ZZEF1: variants seen among roughly 807,000 people sequenced by gnomAD.
ZZEF1 encodes zinc finger ZZ-type and EF-hand domain-containing protein 1.
A neutral mutation model predicts 342.8 loss-of-function variants in ZZEF1; 157 were observed. The ratio of observed to expected loss-of-function variants is 0.46; its 90% confidence interval spans 0.40 to 0.52. The LOEUF (loss-of-function observed/expected upper bound fraction) is 0.52. Ranked by LOEUF, ZZEF1 falls within the 20% of genes least tolerant of loss-of-function variation. The pLI, the probability that ZZEF1 is intolerant of heterozygous loss-of-function variation, is 0.00. For synonymous variants in ZZEF1, 1,505 were observed against 1,429.1 expected, an observed-to-expected ratio of 1.05 and a Z score of -1.20; for missense variants, 3,480 against 3,725.6, an observed-to-expected ratio of 0.93 and a Z score of 1.72.
At chr17:4,048,622 C>T (rs1285706075) in intron 37 of ZZEF1, among the ~76,000 whole-genome samples, 1 of 152,162 alleles carries the variant, frequency 6.6e-6, no homozygotes, top group Admixed American at 6.5e-5. Context: ...TGCGTCTACC[C>T]GGTAAACAGT....
intron 1 of ZZEF1, among the ~76,000 whole-genome samples, chr17:4,139,389 G>C (rs2058806030): frequency 6.6e-6 from 1 of 152,218 alleles, no homozygotes; most frequent in Non-Finnish European, 1.5e-5. Context: ...GTGGCTATCT[G>C]TTTTACCATG....
At position 4,142,912 on chromosome 17, in the gene ZZEF1, G is replaced by A; in HGVS notation, c.-17C>T. 2.3e-6 allele frequency: 3 copies of A among 1,314,074 alleles called. No individual in the cohort carries two copies. The highest frequency in any genetic ancestry group is 4.2e-5 in the Admixed American group (1 of 24,024). 81.4% of individuals were successfully genotyped at this position (1,314,074 alleles called of 1,614,324 possible). On this transcript the variant is annotated 5_prime_UTR_variant, in exon 1 of 55. Transcript: ENST00000381638. ...GTTCCCCATGGGGTCTCCGTCTTGG[G>A]CGCCTGGCTCTGCAGCCGCCGCCGC...
Position 4,008,339 on chromosome 17 carries a change from C to A in ZZEF1, c.8805+544G>T, listed in dbSNP as rs2055857685. The A allele has an allele frequency of 7.2e-5, 11 of 153,660 alleles. No homozygotes were observed. The highest frequency in any genetic ancestry group is 1.5e-4 in the Non-Finnish European group (11 of 72,288). 9.5% of individuals were successfully genotyped at this position (153,660 alleles called of 1,614,324 possible). ...GTCGTTTTTCACAAGACGTGTTATTCATGTTAACATGAAATGGGTTCACTA... is the reference window on the plus strand; with the variant it reads ...GTCGTTTTTCACAAGACGTGTTATTAATGTTAACATGAAATGGGTTCACTA... On this transcript the variant is annotated intron_variant, in intron 54 of 54. Coordinates refer to ENST00000381638, the MANE Select transcript of ZZEF1 (RefSeq NM_015113.4). The surrounding 1 kb of genome is among the most constrained non-coding windows in gnomAD (Gnocchi z 4.2).
Position 4,105,791 on chromosome 17 carries a change from C to A in ZZEF1, c.1296G>T (p.Met432Ile), listed in dbSNP as rs1356543795. ...ATCCTGGTGAGAGAGAGAGTGGAGG[C>A]ATGTGCCGCAGCGCCTTCCTAGAAG... Reference protein sequence around the residue: ...LHNTQKALRHMPPLSLSPGST... With the variant: ...LHNTQKALRHIPPLSLSPGST... Residue 432 changes from methionine to isoleucine, a missense_variant, in exon 7 of 55, where the codon ATG (methionine) becomes ATT (isoleucine). Met to Ile is a conservative substitution (Grantham distance 10, BLOSUM62 1). Coordinates refer to ENST00000381638, the MANE Select transcript of ZZEF1 (RefSeq NM_015113.4). The A allele has an allele frequency of 6.2e-7, 1 of 1,611,048 alleles. No homozygotes were observed.
intron 18 of ZZEF1, 36 bp downstream of exon 18, chr17:4,081,340 T>G: frequency 1.1e-4 from 177 of 1,571,354 alleles, no homozygotes; most frequent in Non-Finnish European, 1.4e-4. Context: ...CCCACAAGCA[T>G]GAGACAAAGA....
chr17:4,137,981 T>C (rs2058780389), intron 1 of ZZEF1, among the ~76,000 whole-genome samples: 1 of 145,322 alleles, frequency 6.9e-6, no homozygotes, highest in South Asian at 2.2e-4. Flanking sequence ...AGCACAGGGC[T>C]CATGCGGGGG....
At chr17:4,066,310 A>G (rs2057393379) in intron 28 of ZZEF1, 137 bp downstream of exon 28, 4 of 731,804 alleles carry the variant, frequency 5.5e-6, no homozygotes, top group South Asian at 5.2e-5. Flanking sequence ...CTTGGATACT[A>G]TATTTAGCAT....
At chr17:4,067,362 T>C (rs889086290) in intron 26 of ZZEF1, 120 bp from the exon 27 acceptor site, 8 of 668,204 alleles carry the variant, frequency 1.2e-5, no homozygotes, top group Admixed American at 9.8e-5. Context: ...CAATCACACA[T>C]TGAGGATGGT....
At chr17:4,018,872 C>G (rs947585465) in intron 46 of ZZEF1, among the ~76,000 whole-genome samples, 2 of 151,782 alleles carry the variant, frequency 1.3e-5, no homozygotes, top group South Asian at 4.1e-4. Context: ...GGGCTAGAAC[C>G]GAGAGGTGGG....
In ZZEF1 at chr17:4,088,700, A is replaced by G; in HGVS notation, c.2219T>C (p.Ile740Thr). Residue 740 changes from isoleucine (I) to threonine (T), a missense_variant, in exon 13 of 55, where the codon ATC becomes ACC. Physicochemically the swap from Ile to Thr is moderately conservative, Grantham distance 89. Around this residue, in one of 5 missense-constraint regions of ZZEF1, gnomAD observed 1,528 missense variants for 1,624.1 expected, o/e 0.94. Coordinates refer to ENST00000381638, the MANE Select transcript of ZZEF1 (RefSeq NM_015113.4). ...TACCAGGTCATGGGCGAGCTGCTGG[A>G]TAAACTGAAGGGTCCTGAGGAGCAA... ...ATLLLRTLQFIQQLAHDLVQQ... is the reference protein window; with the variant it reads ...ATLLLRTLQFTQQLAHDLVQQ... 1 of 1,614,034 alleles carries G rather than the reference A, an allele frequency of 6.2e-7. No homozygotes were observed. Among genetic ancestry groups the G allele is most frequent in the Non-Finnish European group, 8.5e-7 (1 of 1,180,034 alleles).
chr17:4,084,065 C>T (rs958270819), intron 16 of ZZEF1, among the ~76,000 whole-genome samples: 2 of 152,268 alleles, frequency 1.3e-5, no homozygotes, highest in South Asian at 2.1e-4. Context: ...GCTAGGCCCT[C>T]CAATGCAACA....
At chr17:4,083,916 T>G (rs540207636) in intron 16 of ZZEF1, among the ~76,000 whole-genome samples, 1 of 152,234 alleles carries the variant, frequency 6.6e-6, no homozygotes, top group East Asian at 1.9e-4. Flanking sequence ...TAGTTTCCTT[T>G]GTCAAATTCT....
At chr17:4,131,462 C>A (rs2058660878) in intron 1 of ZZEF1, among the ~76,000 whole-genome samples, 1 of 139,020 alleles carries the variant, frequency 7.2e-6, no homozygotes, top group African/African-American at 2.6e-5. Flanking sequence ...ATTGTTAACT[C>A]CAAAGAAAAT....
At chr17:4,030,176 G>C (rs1031484462) in intron 42 of ZZEF1, among the ~76,000 whole-genome samples, 10 of 152,106 alleles carry the variant, frequency 6.6e-5, no homozygotes, top group Non-Finnish European at 1.2e-4. Flanking sequence ...ACCAAAGTTG[G>C]TCCTTTGAAA....
chr17:4,117,019 G>A lies in ZZEF1; in HGVS notation c.647C>T (p.Ser216Phe). 6.2e-7 allele frequency: 1 copy of A among 1,613,614 alleles called. No homozygotes were observed. The highest frequency in any genetic ancestry group is 1.1e-5 in the South Asian group (1 of 90,996). The change falls in exon 3 of 55, where the codon TCT (serine) becomes TTT (phenylalanine). Residue 216 changes from serine (S) to phenylalanine (F), a missense_variant. Physicochemically the swap from Ser to Phe is radical, Grantham distance 155 (BLOSUM62 -2). Coordinates refer to ENST00000381638, the MANE Select transcript of ZZEF1 (RefSeq NM_015113.4). Reference protein sequence around the residue: ...EHCNNMCTMRSSVLKESLDQL... With the variant: ...EHCNNMCTMRFSVLKESLDQL... ...ATCCAGAGACTCCTTCAGGACGGAA[G>A]ACCGCATGGTGCACATGTTATTGCA... is the stretch of plus-strand genomic sequence containing the variant.
intron 37 of ZZEF1, among the ~76,000 whole-genome samples, chr17:4,047,640 C>A (rs1002219516): frequency 6.8e-6 from 1 of 147,264 alleles, no homozygotes; most frequent in Admixed American, 6.8e-5. Flanking sequence ...GAGACCCTGT[C>A]TCAAAAAAAA....
chr17:4,016,246 A>T lies in ZZEF1; in HGVS notation c.8145+77T>A. 1 of 1,513,846 alleles carries T rather than the reference A, an allele frequency of 6.6e-7. No individual in the cohort carries two copies. Among genetic ancestry groups the T allele is most frequent in the East Asian group, 2.3e-5 (1 of 44,370 alleles). 93.8% of individuals were successfully genotyped at this position (1,513,846 alleles called of 1,614,324 possible). A position where few individuals can be genotyped will look rare whatever the true frequency, so the allele number is the denominator to read the frequency against. ...AGAGCCACAGAGGGGCTGAGCATGG[A>T]GGGGCTGAGCACGGAGGGGCTGACG... On this transcript the variant is annotated intron_variant, in intron 49 of 54. Transcript: ENST00000381638. This position sits in a 1 kb window ranked among gnomAD's most constrained non-coding sequence, Gnocchi z 4.4.
rs1227206690 is a variant in ZZEF1, at chr17:4,034,006, C to CAAGG, written c.6584+5_6584+8dup. 3 of 1,612,178 alleles carry CAAGG rather than the reference C, an allele frequency of 1.9e-6. No individual in the cohort carries two copies. The highest frequency in any genetic ancestry group is 2.5e-6 in the Non-Finnish European group (3 of 1,178,800). ...GGCAGGTGGTTAGAGGAGCGAGGAC[C>CAAGG]AAGGCTACCTGTCCAGACACACAGC... On this transcript the variant is annotated intron_variant, in intron 40 of 54. Transcript: ENST00000381638.
chr17:4,056,915 A>G (rs1377666968), intron 32 of ZZEF1: 5 of 152,224 alleles, frequency 3.3e-5, no homozygotes, highest in East Asian at 1.9e-4. Context: ...AGATAATCTT[A>G]TAAGTTCCTT....
Sources: allele counts gnomAD v4.1 joint callset (sites outside exome capture counted in the v4.1 genomes callset), GRCh38; gene constraint gnomAD v4.1.1; regional missense constraint gnomAD v4.1.1; non-coding constraint Gnocchi (gnomAD v3.1); transcripts MANE v1.5; gene names NCBI Gene and HGNC (gene_info 2026-07-23, HGNC 2026-07-21).